The following NOX4 variants were observed in gnomAD, a reference collection of about 807,000 sequenced individuals.
The protein encoded by NOX4 is kidney oxidase-1.
Under a neutral mutation model 87.6 loss-of-function variants are expected in NOX4, and 69 were observed. That is an observed-to-expected ratio of 0.79 (90% confidence interval 0.65 to 0.96). The LOEUF is 0.96. Ranked by LOEUF, NOX4 falls within the 40% of genes least tolerant of loss-of-function variation. The probability of loss-of-function intolerance (pLI) is 0.00; values close to 1 mark genes in which losing one functional copy is unlikely to be tolerated. For synonymous variants in NOX4, 275 were observed against 238.2 expected, an observed-to-expected ratio of 1.15 and a Z score of -1.42; for missense variants, 680 against 681.5, an observed-to-expected ratio of 1.00 and a Z score of 0.02.
At chr11:89,371,509 A>G (rs1276343721) in intron 12 of NOX4, among the ~76,000 whole-genome samples, 4 of 151,962 alleles carry the variant, frequency 2.6e-5, no homozygotes, top group Non-Finnish European at 5.9e-5. Context: ...AGCTAATAAT[A>G]AACCATCAGG....
intron 11 of NOX4, among the ~76,000 whole-genome samples, chr11:89,373,867 C>A (rs945376182): frequency 1.3e-5 from 2 of 151,956 alleles, no homozygotes; most frequent in African/African-American, 4.8e-5. Context: ...GTGTCATTTT[C>A]TCCCTAGATA....
chr11:89,385,988 A>C (rs553364801), intron 11 of NOX4, among the ~76,000 whole-genome samples: 1 of 152,294 alleles, frequency 6.6e-6, no homozygotes, highest in South Asian at 2.1e-4. Context: ...CTTGGTATTC[A>C]GTGGAACCTT....
chr11:89,468,623 T>C (rs1400930417), intron 2 of NOX4, among the ~76,000 whole-genome samples: 3 of 152,156 alleles, frequency 2.0e-5, no homozygotes, highest in African/African-American at 7.2e-5. Flanking sequence ...AAGAAAAAAA[T>C]GGGAGCGGGT....
At chr11:89,473,891 A>G (rs2135450846) in intron 2 of NOX4, among the ~76,000 whole-genome samples, 1 of 152,316 alleles carries the variant, frequency 6.6e-6, no homozygotes, top group African/African-American at 2.4e-5. Flanking sequence ...ATGCAAAGAA[A>G]GAGCCAAAAT....
chr11:89,531,002 A>G, the NOX4 span, among the ~76,000 whole-genome samples: 1 of 152,120 alleles, frequency 6.6e-6, no homozygotes, highest in Non-Finnish European at 1.5e-5. Flanking sequence ...CCCAGCTGCA[A>G]TCTTCTCATT....
At chr11:89,473,122 A>G (rs1433385716) in intron 2 of NOX4, among the ~76,000 whole-genome samples, 1 of 152,150 alleles carries the variant, frequency 6.6e-6, no homozygotes, top group African/African-American at 2.4e-5. Context: ...AAGTCTCAAC[A>G]AGGTTTCAAA....
At chr11:89,407,713 T>A (rs1232362783) in intron 8 of NOX4, among the ~76,000 whole-genome samples, 1 of 152,060 alleles carries the variant, frequency 6.6e-6, no homozygotes, top group African/African-American at 2.4e-5. Context: ...TAAAATAATA[T>A]AATACATTAA....
At chr11:89,432,101 A>C (rs1943822831) in intron 7 of NOX4, among the ~76,000 whole-genome samples, 1 of 142,212 alleles carries the variant, frequency 7.0e-6, no homozygotes, top group South Asian at 2.1e-4. Context: ...TATCGCAAGG[A>C]CAAAAAACTA....
At chr11:89,489,914 AG>A (rs995178321) in intron 2 of NOX4, among the ~76,000 whole-genome samples, 9 of 152,156 alleles carry the variant, frequency 5.9e-5, no homozygotes, top group Non-Finnish European at 1.2e-4. Context: ...ATCAGAAAAA[AG>A]TTTTGCCCAG....
intron 2 of NOX4, among the ~76,000 whole-genome samples, chr11:89,464,239 T>C (rs1451088518): frequency 1.3e-5 from 2 of 152,112 alleles, no homozygotes; most frequent in East Asian, 3.8e-4. Context: ...TTGGGATAAA[T>C]AGAGCTTATT....
chr11:89,340,269 C>A (rs1945923042), intron 14 of NOX4, 98 bp from the exon 15 acceptor site: 2 of 754,806 alleles, frequency 2.6e-6, no homozygotes, highest in Non-Finnish European at 4.4e-6. Context: ...TAGTAAGCAA[C>A]CAATAGAAAT....
chr11:89,514,842 G>A, the NOX4 span, among the ~76,000 whole-genome samples: 420 of 151,954 alleles, frequency 2.8e-3, 3 homozygotes, highest in African/African-American at 9.6e-3. Context: ...CTTGAGTGTT[G>A]TATACATTTA....
intron 2 of NOX4, among the ~76,000 whole-genome samples, chr11:89,466,000 A>T (rs915155988): frequency 1.3e-5 from 2 of 152,166 alleles, no homozygotes; most frequent in Non-Finnish European, 2.9e-5. Context: ...CCTTTATAAG[A>T]AGAGGAGGAC....
intron 13 of NOX4, among the ~76,000 whole-genome samples, chr11:89,353,095 A>G (rs1328746092): frequency 6.6e-6 from 1 of 152,234 alleles, no homozygotes; most frequent in African/African-American, 2.4e-5. Flanking sequence ...CTGGGATTAC[A>G]GGAAGAAAGT....
At chr11:89,422,113 C>T in intron 7 of NOX4, 131 bp from the exon 8 acceptor site, 1 of 498,678 alleles carries the variant, frequency 2.0e-6, no homozygotes, top group Non-Finnish European at 3.6e-6. Context: ...TCATATTAAT[C>T]TACTAATACC....
At chr11:89,451,172 C>A (rs933747597) in intron 3 of NOX4, among the ~76,000 whole-genome samples, 2 of 151,676 alleles carry the variant, frequency 1.3e-5, no homozygotes, top group African/African-American at 2.4e-5. Flanking sequence ...ATGTAACAAG[C>A]CTGCATGTTG....
intron 12 of NOX4, among the ~76,000 whole-genome samples, chr11:89,370,310 A>G (rs960152315): frequency 6.6e-6 from 1 of 151,892 alleles, no homozygotes; most frequent in Non-Finnish European, 1.5e-5. Flanking sequence ...ACTCACAATT[A>G]TTGCTAATTC....
intron 11 of NOX4, among the ~76,000 whole-genome samples, chr11:89,393,113 C>T (rs976038162): frequency 6.6e-6 from 1 of 152,102 alleles, no homozygotes; most frequent in Non-Finnish European, 1.5e-5. Flanking sequence ...GGTGATTTTG[C>T]CCCTCAAAAG....
At chr11:89,515,192 C>A in the NOX4 span, among the ~76,000 whole-genome samples, 2 of 152,120 alleles carry the variant, frequency 1.3e-5, no homozygotes, top group Middle Eastern at 6.8e-3. Flanking sequence ...CTGATAAATT[C>A]TATTTCAAAG....
Sources: gnomAD v4.1 joint callset for allele counts (sites outside exome capture counted in the v4.1 genomes callset) on GRCh38, gnomAD v4.1.1 for gene constraint, MANE v1.5 for transcripts, NCBI Gene and HGNC (gene_info 2026-07-23, HGNC 2026-07-21) for gene names.